The following MSRA variants were observed in gnomAD, a reference collection of about 807,000 sequenced individuals.
MSRA encodes the protein methionine sulfoxide reductase A, also known as mitochondrial peptide methionine sulfoxide reductase.
In MSRA, 54 loss-of-function variants were observed where a neutral mutation model predicts 31.3. That is an observed-to-expected ratio of 1.73 (90% confidence interval 1.39 to 2.17). The LOEUF (loss-of-function observed/expected upper bound fraction) is 2.17, where lower values mean the gene tolerates loss of function less well. Ranked by LOEUF, MSRA falls within the 30% of genes most tolerant of loss-of-function variation. The pLI is 0.00. For synonymous variants in MSRA, 169 were observed against 116.5 expected (o/e 1.45, Z -2.90); for missense variants, 507 against 300.9 (o/e 1.69, Z -5.07).
At chr8:10,321,494 G>A (rs1034356355) in intron 5 of MSRA, among the ~76,000 whole-genome samples, 2 of 152,078 alleles carry the variant, frequency 1.3e-5, no homozygotes, top group Non-Finnish European at 2.9e-5. Flanking sequence ...CCCTCCCAGG[G>A]TGATGTCTGC....
chr8:10,090,777 A>G (rs1036136175), intron 1 of MSRA, among the ~76,000 whole-genome samples: 2 of 152,278 alleles, frequency 1.3e-5, no homozygotes, highest in Admixed American at 6.5e-5. Context: ...TATATATAGA[A>G]TCATACAATA....
At chr8:10,352,059 T>A (rs531380280) in intron 5 of MSRA, among the ~76,000 whole-genome samples, 2 of 152,306 alleles carry the variant, frequency 1.3e-5, no homozygotes, top group South Asian at 4.2e-4. Context: ...TATGGGAGTT[T>A]GGAGAAGAGA....
At chr8:10,244,957 T>C (rs2129082329) in intron 2 of MSRA, 147 bp from the exon 3 acceptor site, 1 of 572,872 alleles carries the variant, frequency 1.7e-6, no homozygotes, top group African/African-American at 1.9e-5. Context: ...TCTCCTTCTT[T>C]AAAAGATAAA....
chr8:10,137,297 T>C (rs1341985428), intron 1 of MSRA, among the ~76,000 whole-genome samples: 1 of 152,226 alleles, frequency 6.6e-6, no homozygotes, highest in East Asian at 1.9e-4. Context: ...AGTACAGGAA[T>C]GGTTTTATGG....
intron 5 of MSRA, among the ~76,000 whole-genome samples, chr8:10,340,296 T>C (rs1485260269): frequency 6.6e-6 from 1 of 152,072 alleles, no homozygotes; most frequent in African/African-American, 2.4e-5. Flanking sequence ...TGAACTAGAT[T>C]TTGACAATCA....
intron 3 of MSRA, among the ~76,000 whole-genome samples, chr8:10,247,577 T>C (rs966698800): frequency 6.6e-6 from 1 of 152,156 alleles, no homozygotes; most frequent in African/African-American, 2.4e-5. Flanking sequence ...AGCTGGTATG[T>C]TAGAGGCCTC....
At chr8:10,181,151 C>A (rs1375110477) in intron 1 of MSRA, among the ~76,000 whole-genome samples, 2 of 152,124 alleles carry the variant, frequency 1.3e-5, no homozygotes, top group African/African-American at 2.4e-5. Context: ...CAGAACATAA[C>A]CTGTAAGCAG....
At chr8:10,085,459 T>A (rs1033643657) in intron 1 of MSRA, among the ~76,000 whole-genome samples, 1 of 152,218 alleles carries the variant, frequency 6.6e-6, no homozygotes, top group African/African-American at 2.4e-5. Context: ...ATCTGTCCTG[T>A]TTCTGCAACT....
intron 5 of MSRA, among the ~76,000 whole-genome samples, chr8:10,328,886 A>T (rs151115070): frequency 6.6e-6 from 1 of 152,256 alleles, no homozygotes; most frequent in East Asian, 1.9e-4. Flanking sequence ...TTCAAAGTTG[A>T]TCCCTTCATG....
At chr8:10,272,785 A>G (rs1315685113) in intron 3 of MSRA, among the ~76,000 whole-genome samples, 1 of 152,166 alleles carries the variant, frequency 6.6e-6, no homozygotes, top group East Asian at 1.9e-4. Flanking sequence ...GAGGGAGAGA[A>G]ATTTTTGTCA....
chr8:10,239,046 A>G (rs1812184755), intron 2 of MSRA, among the ~76,000 whole-genome samples: 1 of 152,220 alleles, frequency 6.6e-6, no homozygotes, highest in Non-Finnish European at 1.5e-5. Context: ...AACCAAGAAA[A>G]ATAGAAGAAC....
intron 1 of MSRA, among the ~76,000 whole-genome samples, chr8:10,193,622 T>C (rs1003753721): frequency 6.6e-6 from 1 of 152,244 alleles, no homozygotes; most frequent in Non-Finnish European, 1.5e-5. Flanking sequence ...TGAGTTAAGA[T>C]GTTCTATTTC....
intron 3 of MSRA, among the ~76,000 whole-genome samples, chr8:10,283,812 T>C (rs1428605107): frequency 2.4e-5 from 1 of 42,066 alleles, no homozygotes. Context: ...CATATATATA[T>C]ATATATATAT....
chr8:10,280,661 C>G (rs1300315933), intron 3 of MSRA, among the ~76,000 whole-genome samples: 2 of 152,186 alleles, frequency 1.3e-5, no homozygotes. Context: ...AGCAATTCTA[C>G]TCTTAGGTAT....
At chr8:10,214,497 A>C (rs531888696) in intron 2 of MSRA, among the ~76,000 whole-genome samples, 1 of 152,326 alleles carries the variant, frequency 6.6e-6, no homozygotes, top group Non-Finnish European at 1.5e-5. Flanking sequence ...TCTCACTGGC[A>C]CATATCCAGC....
chr8:10,387,161 T>G (rs1356125295), intron 5 of MSRA, among the ~76,000 whole-genome samples: 1 of 152,210 alleles, frequency 6.6e-6, no homozygotes, highest in Non-Finnish European at 1.5e-5. Flanking sequence ...GATCCGTGAC[T>G]GCACTGCTAC....
intron 2 of MSRA, among the ~76,000 whole-genome samples, chr8:10,239,065 A>T (rs1303231397): frequency 6.6e-6 from 1 of 152,204 alleles, no homozygotes; most frequent in East Asian, 1.9e-4. Context: ...ACCCAATAGA[A>T]AAATGAACAG....
intron 5 of MSRA, among the ~76,000 whole-genome samples, chr8:10,379,476 T>G (rs1805935542): frequency 6.6e-6 from 1 of 152,186 alleles, no homozygotes; most frequent in Non-Finnish European, 1.5e-5. Context: ...CTGGAGCCTG[T>G]GGCCTCGCCC....
At chr8:10,178,217 G>A (rs898589470) in intron 1 of MSRA, among the ~76,000 whole-genome samples, 4 of 152,126 alleles carry the variant, frequency 2.6e-5, no homozygotes, top group African/African-American at 9.7e-5. Flanking sequence ...AGACCCAGGG[G>A]TGTATTCACT....
Sources: gnomAD v4.1 joint callset for allele counts (sites outside exome capture counted in the v4.1 genomes callset) on GRCh38, gnomAD v4.1.1 for gene constraint, MANE v1.5 for transcripts, NCBI Gene and HGNC (gene_info 2026-07-23, HGNC 2026-07-21) for gene names.